The following RPGR variants were observed in gnomAD, a reference collection of about 807,000 sequenced individuals.
The protein encoded by RPGR is X-linked retinitis pigmentosa GTPase regulator.
A neutral mutation model predicts 56.3 loss-of-function variants in RPGR; 10 were observed. The ratio of observed to expected loss-of-function variants is 0.18; its 90% confidence interval spans 0.11 to 0.30. RPGR has a LOEUF of 0.30. Among genes scored for constraint, RPGR ranks in the 10% least tolerant of loss-of-function variants. The pLI, the probability that RPGR is intolerant of heterozygous loss-of-function variation, is 1.00. For missense variants in RPGR, 538 were observed against 590.9 expected, an observed-to-expected ratio of 0.91 and a Z score of 0.93; for synonymous variants, 197 against 212.9, an observed-to-expected ratio of 0.93 and a Z score of 0.65.
At chrX:38,304,201 T>A (rs1053758531) in intron 8 of RPGR, among the ~76,000 whole-genome samples, 1 of 111,749 alleles carries the variant, frequency 8.9e-6, no homozygotes, top group Non-Finnish European at 1.9e-5. Context: ...TGAAAACGCC[T>A]CCAGGTGGCA....
At chrX:38,283,924 C>A (rs2067078868) in intron 15 of RPGR, among the ~76,000 whole-genome samples, 1 of 111,246 alleles carries the variant, frequency 9.0e-6, no homozygotes, top group South Asian at 3.8e-4. Flanking sequence ...AGTATTAATT[C>A]TTTTCTACTA....
At chrX:38,296,103 G>C (rs953040579) in intron 11 of RPGR, 1 of 111,268 alleles carries the variant, frequency 9.0e-6, no homozygotes, top group African/African-American at 3.3e-5. Flanking sequence ...CACAAGGTCA[G>C]GAGATCGAGA....
intron 8 of RPGR, 27 bp from the exon 9 acceptor site, chrX:38,301,398 T>G: frequency 1.2e-5 from 13 of 1,101,964 alleles, no homozygotes; most frequent in Non-Finnish European, 1.5e-5. Context: ...ATGAAGAGAA[T>G]TATAAAAGTG....
chrX:38,304,660 T>G lies in RPGR; in HGVS notation c.909A>C (p.Gly303=). The change falls in exon 8 of 19, where the codon GGA becomes GGC. Residue 303 remains glycine (G), a synonymous_variant. Transcript: ENST00000642395. ...CTGTTATCAAAGCTGTGTGATTTTC[T>G]CCACAAGAAATATAACTTATTGTTT... The G allele has an allele frequency of 8.3e-7, 1 of 1,200,689 alleles. No individual in the cohort carries two copies.
In RPGR at chrX:38,287,909, T is replaced by C. The variant is rs753294383; in HGVS notation, c.1705A>G (p.Met569Val). ...TCGATAGTCGTAGCTGGCTGCGTCA[T>C]GAAAATCCCTTGTGACACATGTTGT... The change falls in exon 14 of 19, where the codon ATG becomes GTG. Residue 569 changes from methionine (M) to valine (V), a missense_variant. Physicochemically the swap from Met to Val is conservative, Grantham distance 21. Around this residue, in one of 2 missense-constraint regions of RPGR, gnomAD observed 357 missense variants for 325.8 expected, o/e 1.10. Transcript: ENST00000642395. The C allele has an allele frequency of 2.5e-6, 3 of 1,209,575 alleles. No individual in the cohort carries two copies. The highest frequency in any genetic ancestry group is 2.2e-5 in the Admixed American group (1 of 45,713).
rs183777534 is a variant in RPGR, at chrX:38,311,938, C to T, written c.620-1165G>A. Among the ~76,000 whole-genome samples the T allele has an allele frequency of 1.1e-3, 128 of 112,181 alleles. 3 individuals carry two copies. The Admixed American group carries it at 0.012, about 11-fold the overall frequency. ...GTACTAGGAAGCCCAAGCTTGACTT[C>T]TCTGGACTCCACTGCAGATGCTTAT... is the stretch of plus-strand genomic sequence containing the variant. On this transcript the variant is annotated intron_variant, in intron 6 of 18. Transcript: ENST00000642395.
chrX:38,309,058 A>C (rs374608042), intron 7 of RPGR, among the ~76,000 whole-genome samples: 1 of 112,274 alleles, frequency 8.9e-6, no homozygotes, highest in Admixed American at 9.5e-5. Flanking sequence ...AAATATAATA[A>C]TAATTCACTA....
chrX:38,299,466 ATGT>A (rs1271032672), intron 9 of RPGR, among the ~76,000 whole-genome samples: 1 of 112,195 alleles, frequency 8.9e-6, no homozygotes, highest in Non-Finnish European at 1.9e-5. Context: ...CAGTTAGAAA[ATGT>A]TGTATTTTAA....
chrX:38,299,791 T>C lies in RPGR; in HGVS notation c.1060-650A>G, dbSNP rs181691876. 7.0e-3 allele frequency among the ~76,000 whole-genome samples: 775 copies of C among 110,681 alleles called. 6 individuals are homozygous for C. Among genetic ancestry groups the C allele is most frequent in the African/African-American group, 0.024 (749 of 30,633 alleles). Reference sequence around the variant, plus strand: ...TTCCGTACATAGGTTCTAGATACTTTATAATGTTCTATTTTTCCTTCATAA... The same window carrying C: ...TTCCGTACATAGGTTCTAGATACTTCATAATGTTCTATTTTTCCTTCATAA... On this transcript the variant is annotated intron_variant, in intron 9 of 18. Transcript: ENST00000642395.
rs146576037 is a variant in RPGR at position 38,319,401 on chromosome X, A to T, written c.311-414T>A. Among the ~76,000 whole-genome samples the T allele has an allele frequency of 6.3e-3, 706 of 112,589 alleles. 6 individuals carry two copies. Among genetic ancestry groups the T allele is most frequent in the Middle Eastern group, 0.042 (9 of 216 alleles). ...AGATATAATAGTACAAATAAGTAAA[A>T]CAAGGCAAATCCAAGAAGAATCTAA... On this transcript the variant is annotated intron_variant, in intron 4 of 18. Transcript: ENST00000642395.
chrX:38,292,260 T>C (rs1483171948), intron 11 of RPGR, among the ~76,000 whole-genome samples: 3 of 112,487 alleles, frequency 2.7e-5, no homozygotes, highest in African/African-American at 9.7e-5. Flanking sequence ...CTGTGTGAAA[T>C]AATAAATGCT....
intron 11 of RPGR, among the ~76,000 whole-genome samples, chrX:38,294,466 C>T (rs112392466): frequency 0.01 from 1,125 of 111,718 alleles, 12 homozygotes; most frequent in African/African-American, 0.035. Context: ...ATCCTCCTAC[C>T]TCAGCCTCTC....
In RPGR at chrX:38,291,212, A is replaced by C. The variant is rs1197483097; in HGVS notation, c.1506+181T>G. 6.5e-5 allele frequency among the ~76,000 whole-genome samples: 7 copies of C among 108,229 alleles called. No individual in the cohort carries two copies. In the Admixed American group the frequency reaches 7.0e-4, roughly 11 times the overall value. 94.0% of individuals were successfully genotyped at this position (108,229 alleles called of 115,157 possible). ...TCTCAATTGCCATACTAATAATGTG[A>C]GGATCAAAACAAATTTTATTGTATG... On this transcript the variant is annotated intron_variant, in intron 12 of 18. Transcript: ENST00000642395.
intron 1 of RPGR, 117 bp from the exon 2 acceptor site, chrX:38,323,641 T>G: frequency 1.3e-6 from 1 of 771,068 alleles, no homozygotes; most frequent in Non-Finnish European, 1.9e-6. Context: ...TTGCCCCCAC[T>G]CTGGCAATGT....
In RPGR at chrX:38,316,569, A is replaced by C. The variant is rs574706380; in HGVS notation, c.619+747T>G. Among the ~76,000 whole-genome samples, 6 of 112,120 alleles carry C rather than the reference A, an allele frequency of 5.4e-5. No individual in the cohort carries two copies. In the South Asian group the frequency reaches 2.2e-3, roughly 41 times the overall value. Reference sequence around the variant, plus strand: ...AAAAGTTGCCAATAAGTTGGTAGGTAGTGTTGCCTCAAGGAATGCAATCAA... The same window carrying C: ...AAAAGTTGCCAATAAGTTGGTAGGTCGTGTTGCCTCAAGGAATGCAATCAA... On this transcript the variant is annotated intron_variant, in intron 6 of 18. Transcript: ENST00000642395.
intron 7 of RPGR, among the ~76,000 whole-genome samples, chrX:38,309,594 G>A (rs370614652): frequency 3.6e-5 from 4 of 112,605 alleles, no homozygotes; most frequent in Admixed American, 2.8e-4. Flanking sequence ...TTGGGAGGCC[G>A]AGGCTGGTGA....
rs919958727 is a variant in RPGR, at chrX:38,327,456, G to A, written c.-89C>T. On this transcript the variant is annotated 5_prime_UTR_variant, in exon 1 of 19. Transcript: ENST00000642395. The stretch of plus-strand genomic sequence containing the variant: ...GCTAAAGCAGCTACTCCGCACCGAC[G>A]CGGGCCGCGAAAGCCCCCAAGTTCC... The A allele has an allele frequency of 7.4e-6, 7 of 944,159 alleles. No homozygotes were observed. The African/African-American group carries it at 1.2e-4, about 16-fold the overall frequency. 77.8% of individuals were successfully genotyped at this position (944,159 alleles called of 1,213,427 possible). A position where few individuals can be genotyped will look rare whatever the true frequency, so the allele number is the denominator to read the frequency against.
At chrX:38,298,018 A>G (rs926765430) in intron 10 of RPGR, among the ~76,000 whole-genome samples, 8 of 111,859 alleles carry the variant, frequency 7.2e-5, no homozygotes, top group African/African-American at 2.6e-4. Flanking sequence ...CTGTAATCCC[A>G]GCAGGTTGGG....
At position 38,327,508 on chromosome X, in the gene RPGR, A is replaced by G. The variant is rs2068076621; in HGVS notation, c.-141T>C. 3.6e-6 allele frequency: 2 copies of G among 562,465 alleles called. No individual in the cohort carries two copies. The highest frequency in any genetic ancestry group is 5.4e-6 in the Non-Finnish European group (2 of 373,288). The allele number at this position is 562,465 out of a possible 1,213,427, so 46.4% of individuals were successfully genotyped here. Reference sequence around the variant, plus strand: ...CATGGCGAAACTCCGGAGATCAACTACAACCGCGCTCCCGGAAGTCAACAA... The same window carrying G: ...CATGGCGAAACTCCGGAGATCAACTGCAACCGCGCTCCCGGAAGTCAACAA... On this transcript the variant is annotated 5_prime_UTR_variant, in exon 1 of 19. Coordinates refer to ENST00000642395, the MANE Select transcript of RPGR (RefSeq NM_000328.3).
Sources: allele counts gnomAD v4.1 joint callset (sites outside exome capture counted in the v4.1 genomes callset), GRCh38; gene constraint gnomAD v4.1.1; regional missense constraint gnomAD v4.1.1; transcripts MANE v1.5; gene names NCBI Gene and HGNC (gene_info 2026-07-23, HGNC 2026-07-21).